NLGN1: variants seen among roughly 807,000 people sequenced by gnomAD.
NLGN1 encodes neuroligin 1, also known as neuroligin-1.
A neutral mutation model predicts 65.5 loss-of-function variants in NLGN1; 12 were observed. The observed-to-expected ratio is 0.18, with a 90% CI of 0.12 to 0.30. The LOEUF is 0.30. Ranked by LOEUF, NLGN1 falls within the 10% of genes least tolerant of loss-of-function variation. The pLI is 1.00. For synonymous variants in NLGN1, 350 were observed against 359.5 expected, an observed-to-expected ratio of 0.97 and a Z score of 0.30; for missense variants, 750 against 1,007.1, an observed-to-expected ratio of 0.74 and a Z score of 3.46.
intron 3 of NLGN1, among the ~76,000 whole-genome samples, chr3:173,612,636 G>T (rs964537692): frequency 6.6e-6 from 1 of 151,874 alleles, no homozygotes; most frequent in Non-Finnish European, 1.5e-5. Flanking sequence ...CTAGACTTAG[G>T]GCCCTTTCTA....
chr3:173,408,883 G>A (rs1002817351), intron 1 of NLGN1, among the ~76,000 whole-genome samples: 1 of 147,256 alleles, frequency 6.8e-6, no homozygotes, highest in African/African-American at 2.5e-5. Flanking sequence ...CTGCACTCCA[G>A]CCTGGGCAAC....
At chr3:173,645,932 T>C (rs139316962) in intron 3 of NLGN1, among the ~76,000 whole-genome samples, 331 of 152,310 alleles carry the variant, frequency 2.2e-3, no homozygotes, top group African/African-American at 7.8e-3. Flanking sequence ...TTAAACAGTC[T>C]GAACCCTGCC....
chr3:174,263,254 C>T (rs1388290415), intron 4 of NLGN1, among the ~76,000 whole-genome samples: 5 of 147,666 alleles, frequency 3.4e-5, no homozygotes, highest in Non-Finnish European at 6.0e-5. Context: ...CTTTCTGTCT[C>T]GTTGATCTGT....
Position 173,544,524 on chromosome 3 carries a change from G to T in NLGN1, c.-320-59755G>T, listed in dbSNP as rs942888912. On this transcript the variant is annotated intron_variant, in intron 2 of 6. Transcript: ENST00000457714. The stretch of plus-strand genomic sequence containing the variant: ...CTATGTAGCCGTATAGTGGCTACCA[G>T]TTCCATTCCCTGAAAATGAGACTAC... Among the ~76,000 whole-genome samples, 13 of 152,134 alleles carry T rather than the reference G, an allele frequency of 8.5e-5. 1 individual carries two copies. The highest frequency in any genetic ancestry group is 2.9e-4 in the African/African-American group (12 of 41,526).
intron 2 of NLGN1, among the ~76,000 whole-genome samples, chr3:173,572,695 C>A (rs1577336905): frequency 6.6e-6 from 1 of 152,290 alleles, no homozygotes; most frequent in African/African-American, 2.4e-5. Flanking sequence ...AAGAGGGAAA[C>A]CAAATATGTT....
At chr3:173,662,495 C>A (rs563711178) in intron 3 of NLGN1, among the ~76,000 whole-genome samples, 41 of 152,034 alleles carry the variant, frequency 2.7e-4, no homozygotes, top group African/African-American at 9.2e-4. Flanking sequence ...ATAATTTGTG[C>A]AGCTTAAAGT....
intron 4 of NLGN1, among the ~76,000 whole-genome samples, chr3:173,987,589 C>T (rs530826923): frequency 6.6e-6 from 1 of 152,302 alleles, no homozygotes; most frequent in African/African-American, 2.4e-5. Context: ...GTTTCTATCT[C>T]TTTTGATCCA....
chr3:173,872,205 A>G (rs1042535581), intron 4 of NLGN1, among the ~76,000 whole-genome samples: 1 of 152,214 alleles, frequency 6.6e-6, no homozygotes, highest in Non-Finnish European at 1.5e-5. Flanking sequence ...TGTCTAAGCC[A>G]AACAGGCAGG....
chr3:174,056,269 G>A (rs542498486), intron 4 of NLGN1, among the ~76,000 whole-genome samples: 3 of 151,906 alleles, frequency 2.0e-5, no homozygotes, highest in East Asian at 1.9e-4. Context: ...GTAATTCCTC[G>A]TGTCTGCATT....
chr3:173,688,633 A>G (rs1327768487), intron 3 of NLGN1, among the ~76,000 whole-genome samples: 2 of 152,212 alleles, frequency 1.3e-5, no homozygotes, highest in Non-Finnish European at 2.9e-5. Flanking sequence ...TATTAAAGAT[A>G]CCACAGGCAA....
chr3:173,519,212 T>A (rs999218583), intron 2 of NLGN1, among the ~76,000 whole-genome samples: 1 of 152,226 alleles, frequency 6.6e-6, no homozygotes, highest in African/African-American at 2.4e-5. Flanking sequence ...AGCTGGAATG[T>A]CCAGTCAGAA....
chr3:173,856,839 A>G (rs899320188), intron 4 of NLGN1, among the ~76,000 whole-genome samples: 3 of 152,034 alleles, frequency 2.0e-5, no homozygotes, highest in African/African-American at 7.2e-5. Flanking sequence ...TAAATTTTAT[A>G]ATAGGTTTTA....
chr3:174,113,688 C>G (rs1715724737), intron 4 of NLGN1, among the ~76,000 whole-genome samples: 1 of 152,086 alleles, frequency 6.6e-6, no homozygotes, highest in South Asian at 2.1e-4. Flanking sequence ...TAACACTTAT[C>G]TATGTCATAG....
chr3:173,865,078 G>A (rs1385432190), intron 4 of NLGN1, among the ~76,000 whole-genome samples: 7 of 152,126 alleles, frequency 4.6e-5, no homozygotes, highest in Admixed American at 3.3e-4. Flanking sequence ...TGGTACTAAT[G>A]CCAGGGTAAG....
chr3:173,431,686 G>A (rs1463761203), intron 1 of NLGN1, among the ~76,000 whole-genome samples: 1 of 152,028 alleles, frequency 6.6e-6, no homozygotes, highest in Non-Finnish European at 1.5e-5. Flanking sequence ...CACCAGAGTG[G>A]TACATTGTTA....
intron 4 of NLGN1, among the ~76,000 whole-genome samples, chr3:174,229,126 C>G (rs1292602354): frequency 6.6e-6 from 1 of 152,036 alleles, no homozygotes; most frequent in Non-Finnish European, 1.5e-5. Flanking sequence ...CACTGTAAAG[C>G]AGTGGTAATT....
intron 3 of NLGN1, among the ~76,000 whole-genome samples, chr3:173,638,253 C>T (rs1048686089): frequency 6.7e-6 from 1 of 149,946 alleles, no homozygotes; most frequent in Non-Finnish European, 1.5e-5. Context: ...TTTGATGTTC[C>T]AGGCTGAGGA....
At chr3:173,936,551 A>G (rs969834992) in intron 4 of NLGN1, among the ~76,000 whole-genome samples, 2 of 152,212 alleles carry the variant, frequency 1.3e-5, no homozygotes, top group African/African-American at 4.8e-5. Context: ...ACTGCAGTTT[A>G]CTGCAGTATT....
chr3:173,555,314 C>T (rs1741536247), intron 2 of NLGN1, among the ~76,000 whole-genome samples: 1 of 152,080 alleles, frequency 6.6e-6, no homozygotes, highest in African/African-American at 2.4e-5. Flanking sequence ...AATGTTAAGC[C>T]TCCTTGGACT....
Sources: allele counts gnomAD v4.1 joint callset (sites outside exome capture counted in the v4.1 genomes callset), GRCh38; gene constraint gnomAD v4.1.1; transcripts MANE v1.5; gene names NCBI Gene and HGNC (gene_info 2026-07-23, HGNC 2026-07-21).